DDX39A: variants seen among roughly 807,000 people sequenced by gnomAD.
DDX39A encodes the protein DExD-box helicase 39A, also known as ATP-dependent RNA helicase DDX39A.
A neutral mutation model predicts 46.3 loss-of-function variants in DDX39A; 13 were observed. The ratio of observed to expected loss-of-function variants is 0.28; its 90% CI spans 0.18 to 0.45. The LOEUF is 0.45. Among genes scored for constraint, DDX39A ranks in the 20% least tolerant of loss-of-function variants. DDX39A has a pLI of 1.00. For synonymous variants in DDX39A, 234 were observed against 224.6 expected (o/e 1.04, Z -0.38); for missense variants, 352 against 581.8 (o/e 0.61, Z 4.06).
chr19:14,413,230 AAG>A lies in DDX39A; in HGVS notation c.-4-8_-4-7del, dbSNP rs781228782. ...CATCCTGTTCTGCCATGATGCTGAG[AAG>A]AGAGAGAGGCAGGGTCCCGCGAGTG... On this transcript the variant is annotated splice_region_variant and splice_polypyrimidine_tract_variant and intron_variant, in intron 1 of 10. Transcript: ENST00000242776. 4 of 1,612,284 alleles carry A rather than the reference AAG, an allele frequency of 2.5e-6. No individual in the cohort carries two copies. Among genetic ancestry groups the A allele is most frequent in the African/African-American group, 1.3e-5 (1 of 74,774 alleles).
rs768807812 is a variant in DDX39A at position 14,411,038 on chromosome 19, A to G, written c.564T>C (p.Asn188=). ...LVRNRSFSLK[N]VKHFVLDECD... Reference sequence around the variant, plus strand: ...ACTCGTCCAGCACAAAGTGCTTCACATTCTTTAGGCTGAAGCTCCTATTCC... The same window carrying G: ...ACTCGTCCAGCACAAAGTGCTTCACGTTCTTTAGGCTGAAGCTCCTATTCC... Residue 188 remains asparagine, a synonymous_variant, in exon 5 of 11, where the codon AAT becomes AAC. Transcript: ENST00000242776. The surrounding 1 kb of genome is among the most constrained non-coding windows in gnomAD (Gnocchi z 4.1). 18 of 1,610,018 alleles carry G rather than the reference A, an allele frequency of 1.1e-5. No individual in the cohort carries two copies. The highest frequency in any genetic ancestry group is 1.7e-4 in the Middle Eastern group (1 of 6,034).
In DDX39A at chr19:14,413,005, A is replaced by G; in HGVS notation, c.208+8T>C. The G allele has an allele frequency of 6.2e-7, 1 of 1,613,096 alleles. No individual in the cohort carries two copies. The highest frequency in any genetic ancestry group is 8.5e-7 in the Non-Finnish European group (1 of 1,179,374). ...CCTGGGCAAGAGGATAACACCCAGA[A>G]GGCGTACCCTCAGAAGGATGCTCAA... is the stretch of plus-strand genomic sequence containing the variant. On this transcript the variant is annotated splice_region_variant and intron_variant, in intron 2 of 10. Transcript: ENST00000242776.
intron 1 of DDX39A, among the ~76,000 whole-genome samples, chr19:14,417,406 A>G (rs893903583): frequency 6.7e-6 from 1 of 149,764 alleles, no homozygotes; most frequent in East Asian, 2.0e-4. Flanking sequence ...GGATGGCTTG[A>G]GCCCAGGAGT....
At position 14,411,651 on chromosome 19, in the gene DDX39A, T is replaced by C. The variant is rs1976596804; in HGVS notation, c.337-53A>G. ...TACCTTAGGCAGTGTCCTAAACCCC[T>C]TCCCCACCAGAGTCCACCCAACCCA... On this transcript the variant is annotated intron_variant, in intron 3 of 10. Transcript: ENST00000242776. The surrounding 1 kb of genome is among the most constrained non-coding windows in gnomAD (Gnocchi z 4.1). 4.6e-6 allele frequency: 7 copies of C among 1,531,686 alleles called. No individual in the cohort carries two copies. In the Admixed American group the frequency reaches 7.0e-5, roughly 15 times the overall value. The allele number at this position is 1,531,686 out of a possible 1,614,324, so 94.9% of individuals were successfully genotyped here.
chr19:14,411,068 G>T lies in DDX39A; in HGVS notation c.534C>A (p.Leu178=), dbSNP rs142002555. The part of the protein sequence containing the change: ...VVGTPGRILA[L]VRNRSFSLKN... ...TTAGGCTGAAGCTCCTATTCCGCACGAGCGCCAGGATGCGGCCCGGGGTCC... is the reference window on the plus strand; with the variant it reads ...TTAGGCTGAAGCTCCTATTCCGCACTAGCGCCAGGATGCGGCCCGGGGTCC... The change falls in exon 5 of 11, where the codon CTC becomes CTA. Residue 178 remains leucine (L), a synonymous_variant. Coordinates refer to ENST00000242776, the MANE Select transcript of DDX39A (RefSeq NM_005804.4). The surrounding 1 kb of genome is among the most constrained non-coding windows in gnomAD (Gnocchi z 4.1). The T allele has an allele frequency of 1.7e-4, 277 of 1,612,696 alleles. No individual in the cohort carries two copies. The African/African-American group carries it at 3.5e-3, about 20-fold the overall frequency.
At chr19:14,413,271 G>A in intron 1 of DDX39A, 47 bp from the exon 2 acceptor site, 1 of 1,535,434 alleles carries the variant, frequency 6.5e-7, no homozygotes, top group Non-Finnish European at 8.9e-7. Flanking sequence ...ACAGAAGGAT[G>A]ATGAAGCTTC....
Position 14,419,298 on chromosome 19 carries a change from C to T in DDX39A, c.-33G>A. The T allele has an allele frequency of 4.0e-6, 1 of 247,248 alleles. No individual in the cohort carries two copies. The highest frequency in any genetic ancestry group is 3.4e-5 in the South Asian group (1 of 29,612). 15.3% of individuals were successfully genotyped at this position (247,248 alleles called of 1,614,324 possible). On this transcript the variant is annotated 5_prime_UTR_variant, in exon 1 of 11. Coordinates refer to ENST00000242776, the MANE Select transcript of DDX39A (RefSeq NM_005804.4). The stretch of plus-strand genomic sequence containing the variant: ...GCTCCCCGTTCTTCTCCGCGCGCTG[C>T]TAAGAGACACTTCCAACTTCGGTTT...
At chr19:14,414,161 G>A (rs1976705857) in intron 1 of DDX39A, 1 of 151,804 alleles carries the variant, frequency 6.6e-6, no homozygotes, top group African/African-American at 2.4e-5. Flanking sequence ...GCCACTTTTG[G>A]CCTCGCTGTC....
chr19:14,411,254 G>A lies in DDX39A; in HGVS notation c.430-82C>T, dbSNP rs983000035. The A allele has an allele frequency of 1.2e-5, 17 of 1,467,324 alleles. No homozygotes were observed. In the Admixed American group the frequency reaches 2.9e-4, roughly 25 times the overall value. The allele number at this position is 1,467,324 out of a possible 1,614,324, so 90.9% of individuals were successfully genotyped here. A position where few individuals can be genotyped will look rare whatever the true frequency, so the allele number is the denominator to read the frequency against. On this transcript the variant is annotated intron_variant, in intron 4 of 10. Coordinates refer to ENST00000242776, the MANE Select transcript of DDX39A (RefSeq NM_005804.4). This position sits in a 1 kb window ranked among gnomAD's most constrained non-coding sequence, Gnocchi z 4.1. ...TGCACGGCCCAGCACCTGCGAACAG[G>A]AGGCCTCAGGGGACCAAGGCAGGCC...
chr19:14,413,826 C>T (rs564186190), intron 1 of DDX39A, among the ~76,000 whole-genome samples: 126 of 152,252 alleles, frequency 8.3e-4, no homozygotes, highest in Non-Finnish European at 1.7e-3. Flanking sequence ...TGCGAGAGAG[C>T]AAGCAGTATC....
rs1265127021 is a variant in DDX39A at position 14,410,102 on chromosome 19, G to A, written c.732+114C>T. ...GACCGAGGGGAGGAAAGGAGGCTCCGCCGGCTCCCAGCATCCCAGCATCCT... is the reference window on the plus strand; with the variant it reads ...GACCGAGGGGAGGAAAGGAGGCTCCACCGGCTCCCAGCATCCCAGCATCCT... On this transcript the variant is annotated intron_variant, in intron 6 of 10. Transcript: ENST00000242776. The surrounding 1 kb of genome is among the most constrained non-coding windows in gnomAD (Gnocchi z 4.3). 6.2e-6 allele frequency: 7 copies of A among 1,131,268 alleles called. No homozygotes were observed. The highest frequency in any genetic ancestry group is 9.3e-6 in the Non-Finnish European group (7 of 755,324). The allele number at this position is 1,131,268 out of a possible 1,614,324, so 70.1% of individuals were successfully genotyped here.
chr19:14,414,936 TAAAA>T (rs1006829482), intron 1 of DDX39A, among the ~76,000 whole-genome samples: 4 of 72,798 alleles, frequency 5.5e-5, no homozygotes, highest in Admixed American at 1.7e-4. Context: ...CACTCCAGCC[TAAAA>T]AAAAAAAAAA....
rs1028244289 is a variant in DDX39A, at chr19:14,418,602, C to G, written c.-5+668G>C. Among the ~76,000 whole-genome samples, 4 of 151,726 alleles carry G rather than the reference C, an allele frequency of 2.6e-5. No individual in the cohort carries two copies. In the East Asian group the frequency reaches 5.8e-4, roughly 22 times the overall value. On this transcript the variant is annotated intron_variant, in intron 1 of 10. Transcript: ENST00000242776. ...CCTCCCGAGTAGCTGGGACCACAGG[C>G]GCTCGCCACCACGCTCGGCTGATTT...
rs1440464579 is a variant in DDX39A, at chr19:14,408,882, G to A, written c.*54C>T. ...TTCTCAACAGTGGCGCCTGGAAAGG[G>A]GAGGTGAAGCTGCATGCGGGCGGCT... On this transcript the variant is annotated 3_prime_UTR_variant, in exon 11 of 11. Coordinates refer to ENST00000242776, the MANE Select transcript of DDX39A (RefSeq NM_005804.4). 2.6e-6 allele frequency: 4 copies of A among 1,538,046 alleles called. No individual in the cohort carries two copies. The highest frequency in any genetic ancestry group is 3.5e-6 in the Non-Finnish European group (4 of 1,143,086).
At position 14,411,119 on chromosome 19, in the gene DDX39A, C is replaced by T. The variant is rs779055133; in HGVS notation, c.483G>A (p.Lys161=). The T allele has an allele frequency of 6.2e-7, 1 of 1,608,626 alleles. No individual in the cohort carries two copies. Among genetic ancestry groups the T allele is most frequent in the Non-Finnish European group, 8.5e-7 (1 of 1,178,064 alleles). ...LSIKKDEEVL[K]KNCPHVVVGT... is the part of the protein sequence containing the mutation. Reference sequence around the variant, plus strand: ...CCACCACGACATGGGGACAGTTCTTCTTCAACACTTCTTCATCCTTCTTGA... The same window carrying T: ...CCACCACGACATGGGGACAGTTCTTTTTCAACACTTCTTCATCCTTCTTGA... The change falls in exon 5 of 11, where the codon AAG becomes AAA. Residue 161 remains lysine, a synonymous_variant. Coordinates refer to ENST00000242776, the MANE Select transcript of DDX39A (RefSeq NM_005804.4). This position sits in a 1 kb window ranked among gnomAD's most constrained non-coding sequence, Gnocchi z 4.1.
At position 14,409,409 on chromosome 19, in the gene DDX39A, C is replaced by G; in HGVS notation, c.1013G>C (p.Arg338Pro). ...RYQQFKDFQR[R>P]ILVATNLFGR... ...AAACAGATTGGTGGCCACCAGGATCCGCCGCTGGAAATCCTTGAACTGCTG... is the reference window on the plus strand; with the variant it reads ...AAACAGATTGGTGGCCACCAGGATCGGCCGCTGGAAATCCTTGAACTGCTG... Residue 338 changes from arginine (R) to proline (P), a missense_variant, in exon 9 of 11, where the codon CGG becomes CCG. Transcript: ENST00000242776. This position sits in a 1 kb window ranked among gnomAD's most constrained non-coding sequence, Gnocchi z 8.3. 1 of 1,614,202 alleles carries G rather than the reference C, an allele frequency of 6.2e-7. No homozygotes were observed. The highest frequency in any genetic ancestry group is 8.5e-7 in the Non-Finnish European group (1 of 1,180,040).
At position 14,410,556 on chromosome 19, in the gene DDX39A, G is replaced by T; in HGVS notation, c.614-222C>A. On this transcript the variant is annotated intron_variant, in intron 5 of 10. Coordinates refer to ENST00000242776, the MANE Select transcript of DDX39A (RefSeq NM_005804.4). This position sits in a 1 kb window ranked among gnomAD's most constrained non-coding sequence, Gnocchi z 4.3. ...AGCTGCAATCCACTTACACGCTGGC[G>T]CGGAGCAGCCGTGCCCGTGCGCCTC... 1.7e-6 allele frequency: 1 copy of T among 573,670 alleles called. No homozygotes were observed. The allele number at this position is 573,670 out of a possible 1,614,324, so 35.5% of individuals were successfully genotyped here.
In DDX39A at chr19:14,409,640, T is replaced by C; in HGVS notation, c.870A>G (p.Ile290Met). The C allele has an allele frequency of 6.2e-7, 1 of 1,609,746 alleles. No individual in the cohort carries two copies. Among genetic ancestry groups the C allele is most frequent in the Non-Finnish European group, 8.5e-7 (1 of 1,177,152 alleles). Residue 290 changes from isoleucine (I) to methionine (M), a missense_variant, in exon 8 of 11, where the codon ATA (isoleucine) becomes ATG (methionine). Ile to Met is a conservative substitution (Grantham distance 10). Around this residue, in one of 3 missense-constraint regions of DDX39A, gnomAD observed 301 missense variants for 469.9 expected, o/e 0.64. Transcript: ENST00000242776. This position sits in a 1 kb window ranked among gnomAD's most constrained non-coding sequence, Gnocchi z 8.3. The stretch of plus-strand genomic sequence containing the variant: ...AGCGCTGCACTGACTTGACGAAGAT[T>C]ATCACCTGAGGGAAGGAGTGGCAGT... ...LLDVLEFNQV[I>M]IFVKSVQRCM...
rs1976630160 is a variant in DDX39A at position 14,412,446 on chromosome 19, A to G, written c.336+105T>C. On this transcript the variant is annotated intron_variant, in intron 3 of 10. Transcript: ENST00000242776. The surrounding 1 kb of genome is among the most constrained non-coding windows in gnomAD (Gnocchi z 4.4). ...TGGGCTCAAGCAATCCTCCAGCCTC[A>G]GCTTCCCAAAGCACTGGGCTAACAG... The G allele has an allele frequency of 1.4e-6, 2 of 1,464,936 alleles. No homozygotes were observed. The highest frequency in any genetic ancestry group is 1.3e-5 in the South Asian group (1 of 76,804). 90.7% of individuals were successfully genotyped at this position (1,464,936 alleles called of 1,614,324 possible). A position where few individuals can be genotyped will look rare whatever the true frequency, so the allele number is the denominator to read the frequency against.
Sources: gnomAD v4.1 joint callset for allele counts (sites outside exome capture counted in the v4.1 genomes callset) on GRCh38, gnomAD v4.1.1 for gene constraint, gnomAD v4.1.1 regional missense constraint, Gnocchi (gnomAD v3.1) non-coding constraint, MANE v1.5 for transcripts, NCBI Gene and HGNC (gene_info 2026-07-23, HGNC 2026-07-21) for gene names.